Variants in NKAIN3 observed in about 807,000 individuals in gnomAD.
NKAIN3 encodes the protein sodium/potassium-transporting ATPase subunit beta-1-interacting protein 3.
NKAIN3 carries 25 observed loss-of-function variants against 30.2 expected under a neutral mutation model. The ratio of observed to expected loss-of-function variants is 0.83; its 90% confidence interval spans 0.60 to 1.16. NKAIN3 has a LOEUF of 1.16. Among genes scored for constraint, NKAIN3 ranks in the 50% most tolerant of loss-of-function variants. The pLI is 0.00. For missense variants in NKAIN3, 225 were observed against 254.1 expected (o/e 0.89, Z 0.78); for synonymous variants, 91 against 89.6 (o/e 1.02, Z -0.09).
chr8:62,248,942 A>G lies in NKAIN3; in HGVS notation c.-132A>G. 1 of 766,246 alleles carries G rather than the reference A, an allele frequency of 1.3e-6. No homozygotes were observed. Among genetic ancestry groups the G allele is most frequent in the Non-Finnish European group, 2.0e-6 (1 of 505,074 alleles). 47.5% of individuals were successfully genotyped at this position (766,246 alleles called of 1,614,324 possible). A position where few individuals can be genotyped will look rare whatever the true frequency, so the allele number is the denominator to read the frequency against. ...GGCGGGCGCGAGCCCCGAGCCCTGGAGCCGCGAGCGGCGGCCGCGGGGCCG... is the reference window on the plus strand; with the variant it reads ...GGCGGGCGCGAGCCCCGAGCCCTGGGGCCGCGAGCGGCGGCCGCGGGGCCG... On this transcript the variant is annotated 5_prime_UTR_variant, in exon 1 of 7. Coordinates refer to ENST00000623646, the MANE Select transcript of NKAIN3 (RefSeq NM_001304533.3).
chr8:62,279,900 A>G (rs1224451917), intron 1 of NKAIN3, among the ~76,000 whole-genome samples: 2 of 152,092 alleles, frequency 1.3e-5, no homozygotes, highest in East Asian at 1.9e-4. Flanking sequence ...GTTTTTTCCA[A>G]TTTTGTGAAG....
chr8:62,697,469 T>C (rs1219780381), intron 3 of NKAIN3, among the ~76,000 whole-genome samples: 2 of 152,224 alleles, frequency 1.3e-5, no homozygotes, highest in Non-Finnish European at 1.5e-5. Flanking sequence ...ACTATCCTCA[T>C]TACCCCCTAA....
At chr8:62,524,211 C>A (rs1808234930) in intron 1 of NKAIN3, among the ~76,000 whole-genome samples, 1 of 143,938 alleles carries the variant, frequency 6.9e-6, no homozygotes, top group Non-Finnish European at 1.5e-5. Context: ...CAGGCTAAGT[C>A]CACCCCCCAC....
intron 3 of NKAIN3, among the ~76,000 whole-genome samples, chr8:62,746,459 G>A (rs1485468949): frequency 2.6e-5 from 4 of 152,132 alleles, no homozygotes; most frequent in East Asian, 1.9e-4. Flanking sequence ...TATTCAGCCT[G>A]CTATAAATTA....
At chr8:62,812,417 G>A (rs1270148104) in intron 4 of NKAIN3, among the ~76,000 whole-genome samples, 2 of 151,732 alleles carry the variant, frequency 1.3e-5, no homozygotes, top group Admixed American at 1.3e-4. Flanking sequence ...ATCAGTTTGG[G>A]GGAAAATGAT....
intron 4 of NKAIN3, among the ~76,000 whole-genome samples, chr8:62,889,798 G>A (rs1821250593): frequency 6.6e-6 from 1 of 152,144 alleles, no homozygotes; most frequent in Admixed American, 6.5e-5. Context: ...ATTCGGAGAG[G>A]AGAATTTGGT....
At chr8:62,900,982 G>C (rs1821598078) in intron 4 of NKAIN3, among the ~76,000 whole-genome samples, 1 of 152,116 alleles carries the variant, frequency 6.6e-6, no homozygotes. Context: ...TCCCCCAACT[G>C]TCAGATGGAA....
At chr8:62,626,416 G>A (rs997240755) in intron 3 of NKAIN3, among the ~76,000 whole-genome samples, 1 of 152,082 alleles carries the variant, frequency 6.6e-6, no homozygotes, top group Non-Finnish European at 1.5e-5. Context: ...TGTGTGGCCC[G>A]CTGGGCACAG....
intron 4 of NKAIN3, among the ~76,000 whole-genome samples, chr8:62,896,563 T>C: frequency 6.6e-6 from 1 of 152,116 alleles, no homozygotes; most frequent in Non-Finnish European, 1.5e-5. Flanking sequence ...TACCCAAGGG[T>C]AAAATCAGCC....
At chr8:62,813,729 G>A (rs981069925) in intron 4 of NKAIN3, among the ~76,000 whole-genome samples, 9 of 151,722 alleles carry the variant, frequency 5.9e-5, no homozygotes, top group African/African-American at 2.2e-4. Context: ...CTTACCTCAT[G>A]TATTTTCTCT....
chr8:62,929,627 T>C (rs1389251392), intron 5 of NKAIN3, among the ~76,000 whole-genome samples: 1 of 152,172 alleles, frequency 6.6e-6, no homozygotes, highest in African/African-American at 2.4e-5. Flanking sequence ...GAGGGAGGCT[T>C]TTCTGCCCAG....
intron 1 of NKAIN3, among the ~76,000 whole-genome samples, chr8:62,332,451 A>G (rs1468851029): frequency 6.6e-6 from 1 of 152,150 alleles, no homozygotes; most frequent in Non-Finnish European, 1.5e-5. Flanking sequence ...TACTTTTCCA[A>G]TTAGGAAAAT....
chr8:62,589,915 G>A (rs1585983578), intron 3 of NKAIN3, 121 bp downstream of exon 3: 8 of 398,772 alleles, frequency 2.0e-5, no homozygotes, highest in South Asian at 4.9e-5. Flanking sequence ...GTGTGTGTGT[G>A]TATAGAATGA....
intron 1 of NKAIN3, among the ~76,000 whole-genome samples, chr8:62,333,630 A>G (rs1233703473): frequency 1.3e-5 from 2 of 152,094 alleles, no homozygotes; most frequent in African/African-American, 4.8e-5. Flanking sequence ...TCTTAGCTAT[A>G]TATATGAACG....
chr8:62,725,498 A>G (rs930648072), intron 3 of NKAIN3, among the ~76,000 whole-genome samples: 2 of 152,134 alleles, frequency 1.3e-5, no homozygotes, highest in Non-Finnish European at 2.9e-5. Context: ...GTAGTTTCAT[A>G]GTTTGAGGTC....
At chr8:62,415,551 C>T (rs1804417900) in intron 1 of NKAIN3, among the ~76,000 whole-genome samples, 1 of 150,314 alleles carries the variant, frequency 6.7e-6, no homozygotes, top group South Asian at 2.1e-4. Context: ...ATATAGACTC[C>T]ACTCTTTCAA....
chr8:62,450,223 T>C (rs1168145411), intron 1 of NKAIN3, among the ~76,000 whole-genome samples: 1 of 152,190 alleles, frequency 6.6e-6, no homozygotes, highest in East Asian at 1.9e-4. Flanking sequence ...TAGTTATTTT[T>C]TATTTTTATT....
intron 4 of NKAIN3, among the ~76,000 whole-genome samples, chr8:62,784,977 T>C (rs141302592): frequency 6.6e-4 from 100 of 152,266 alleles, no homozygotes; most frequent in Non-Finnish European, 1.2e-3. Flanking sequence ...GGTGAAGATG[T>C]AGAGAAATTA....
At position 62,935,983 on chromosome 8, in the gene NKAIN3, T is replaced by C. The variant is rs114338502; in HGVS notation, c.532+17470T>C. On this transcript the variant is annotated intron_variant, in intron 5 of 6. Transcript: ENST00000623646. Reference sequence around the variant, plus strand: ...TAATAGCTGCAAAATTCTATATGGCTATCCAGTGAAATTATGAAATAGAAG... The same window carrying C: ...TAATAGCTGCAAAATTCTATATGGCCATCCAGTGAAATTATGAAATAGAAG... 8.9e-3 allele frequency among the ~76,000 whole-genome samples: 1,358 copies of C among 152,294 alleles called. 29 individuals are homozygous for C. The highest frequency in any genetic ancestry group is 0.032 in the African/African-American group (1,317 of 41,520).
Sources: gnomAD v4.1 joint callset for allele counts (sites outside exome capture counted in the v4.1 genomes callset) on GRCh38, gnomAD v4.1.1 for gene constraint, MANE v1.5 for transcripts, NCBI Gene and HGNC (gene_info 2026-07-23, HGNC 2026-07-21) for gene names.